The following MACF1 variants were observed in gnomAD, a reference collection of about 807,000 sequenced individuals.
MACF1 encodes the protein microtubule-actin cross-linking factor 1.
Under a neutral mutation model 854.8 loss-of-function variants are expected in MACF1, and 193 were observed. That is an observed-to-expected ratio of 0.23 (90% CI 0.20 to 0.25). The LOEUF is 0.25. Among genes scored for constraint, MACF1 ranks in the 10% least tolerant of loss-of-function variants. MACF1 has a pLI of 1.00. For missense variants in MACF1, 7,722 were observed against 8,929.1 expected (o/e 0.86, Z 5.45); for synonymous variants, 3,185 against 3,226.7 (o/e 0.99, Z 0.44).
At chr1:39,454,715 A>C (rs1482495379) in intron 88 of MACF1, among the ~76,000 whole-genome samples, 194 bp from the exon 89 acceptor site, 1 of 152,074 alleles carries the variant, frequency 6.6e-6, no homozygotes, top group Non-Finnish European at 1.5e-5. Context: ...CAGGAGAGTC[A>C]CTTGAACCCG....
At chr1:39,211,427 A>C (rs1006955711) in intron 1 of MACF1, among the ~76,000 whole-genome samples, 2 of 152,084 alleles carry the variant, frequency 1.3e-5, no homozygotes, top group Non-Finnish European at 2.9e-5. Context: ...TTAATTTTTT[A>C]AATTTAAAAA....
intron 2 of MACF1, among the ~76,000 whole-genome samples, chr1:39,187,902 C>CTCTCTCT (rs777139372): frequency 2.1e-5 from 2 of 97,382 alleles, no homozygotes; most frequent in South Asian, 3.3e-4. Context: ...CTCTCTCTCT[C>CTCTCTCT]CTCTCTCCTT....
chr1:39,179,979 C>T (rs558160907), intron 2 of MACF1, among the ~76,000 whole-genome samples: 27 of 151,848 alleles, frequency 1.8e-4, no homozygotes, highest in African/African-American at 6.5e-4. Context: ...CACACCACTG[C>T]ACTTCTGCTT....
chr1:39,390,261 A>G (rs1641979631), intron 58 of MACF1, among the ~76,000 whole-genome samples: 1 of 152,196 alleles, frequency 6.6e-6, no homozygotes, highest in African/African-American at 2.4e-5. Context: ...TAAAATTGTG[A>G]TCTCAGAGAC....
At chr1:39,227,556 G>T (rs974563190) in intron 1 of MACF1, among the ~76,000 whole-genome samples, 3 of 152,170 alleles carry the variant, frequency 2.0e-5, no homozygotes, top group Non-Finnish European at 4.4e-5. Flanking sequence ...AGACTGTTGA[G>T]AACTGGAGTT....
chr1:39,360,012 A>AAAAATAT (rs1557608845), intron 47 of MACF1, among the ~76,000 whole-genome samples: 14 of 28,820 alleles, frequency 4.9e-4, no homozygotes, highest in East Asian at 9.5e-4. Context: ...AAAAAAAAAA[A>AAAAATAT]ATATATATAT....
Position 39,305,946 on chromosome 1 carries a change from CT to C in MACF1, c.2789+2870del, listed in dbSNP as rs1394082120. ...TGTCTTCTTTACTCATTTTATTTTT[CT>C]TCAGAACTCTTAATACTGCCTAACA... is the stretch of plus-strand genomic sequence containing the variant. On this transcript the variant is annotated intron_variant, in intron 23 of 100. Coordinates refer to ENST00000564288, the MANE Select transcript of MACF1 (RefSeq NM_001394062.1). Among the ~76,000 whole-genome samples, 4 of 152,148 alleles carry C rather than the reference CT, an allele frequency of 2.6e-5. No homozygotes were observed. In the East Asian group the frequency reaches 7.7e-4, roughly 29 times the overall value.
At chr1:39,276,344 C>T (rs1225779686) in intron 6 of MACF1, among the ~76,000 whole-genome samples, 1 of 152,174 alleles carries the variant, frequency 6.6e-6, no homozygotes, top group Non-Finnish European at 1.5e-5. Context: ...GTCTCATCCA[C>T]TGAGAGACTT....
At chr1:39,481,779 T>G (rs1349299320) in intron 99 of MACF1, among the ~76,000 whole-genome samples, 3 of 152,212 alleles carry the variant, frequency 2.0e-5, no homozygotes, top group Non-Finnish European at 4.4e-5. Flanking sequence ...CAAGAAACAT[T>G]GGATTCTTGT....
intron 52 of MACF1, among the ~76,000 whole-genome samples, chr1:39,376,882 ATT>A (rs879676025): frequency 6.9e-5 from 10 of 144,398 alleles, no homozygotes; most frequent in Admixed American, 1.4e-4. Flanking sequence ...TGCCTGACTA[ATT>A]TTTTTTTTTT....
At position 39,429,976 on chromosome 1, in the gene MACF1, G is replaced by C; in HGVS notation, c.17038G>C (p.Gly5680Arg). 1 of 1,613,808 alleles carries C rather than the reference G, an allele frequency of 6.2e-7. No homozygotes were observed. Among genetic ancestry groups the C allele is most frequent in the South Asian group, 1.1e-5 (1 of 91,050 alleles). ...KFQSTYEELT[G>R]WLREVEEELA... ...CCAGTCTACTTATGAGGAACTGACC[G>C]GGTGGCTGAGGGAGGTGGAGGAGGA... Residue 5680 changes from glycine to arginine, a missense_variant, in exon 65 of 101, where the codon GGG (glycine) becomes CGG (arginine). This residue lies in a region of MACF1 where 2,807 missense variants were observed against 3,235.8 expected (regional missense o/e 0.87). Coordinates refer to ENST00000564288, the MANE Select transcript of MACF1 (RefSeq NM_001394062.1).
chr1:39,422,953 C>T, intron 60 of MACF1, 53 bp downstream of exon 60: 1 of 1,517,564 alleles, frequency 6.6e-7, no homozygotes, highest in Admixed American at 1.8e-5. Context: ...GAGTAGTAGA[C>T]AACACATTTG....
rs187010027 is a variant in MACF1 at position 39,362,705 on chromosome 1, C to T, written c.12771+1028C>T. 7.6e-4 allele frequency among the ~76,000 whole-genome samples: 115 copies of T among 152,230 alleles called. No individual in the cohort carries two copies. The Middle Eastern group carries it at 0.017, about 23-fold the overall frequency. On this transcript the variant is annotated intron_variant, in intron 49 of 100. Transcript: ENST00000564288. ...TTCCTTGTCCCCTATCTGAAATCAG[C>T]TATTTATCCAAGGAGTCCCACTTTT... is the stretch of plus-strand genomic sequence containing the variant.
At chr1:39,159,683 A>G (rs1006487975) in intron 2 of MACF1, among the ~76,000 whole-genome samples, 4 of 152,224 alleles carry the variant, frequency 2.6e-5, no homozygotes, top group African/African-American at 9.7e-5. Flanking sequence ...TTTGGATATT[A>G]AAGAGAAAAA....
Position 39,327,234 on chromosome 1 carries a change from A to G in MACF1, c.4495A>G (p.Lys1499Glu). ...ATCTTCCAGGCTCTCAGAAAAAGAG[A>G]AGAAACAAATATCTGAGCAATTGAA... ...KHGHKLSEKE[K>E]KQISEQLNAL... Residue 1499 changes from lysine to glutamate, a missense_variant, in exon 36 of 101, where the codon AAG (lysine) becomes GAG (glutamate). Lys to Glu is a moderately conservative substitution (Grantham distance 56). Coordinates refer to ENST00000564288, the MANE Select transcript of MACF1 (RefSeq NM_001394062.1). The G allele has an allele frequency of 1.3e-6, 2 of 1,573,596 alleles. No homozygotes were observed. The highest frequency in any genetic ancestry group is 1.7e-6 in the Non-Finnish European group (2 of 1,149,908).
chr1:39,482,501 TG>T (rs1320105473), intron 99 of MACF1, among the ~76,000 whole-genome samples: 7 of 149,164 alleles, frequency 4.7e-5, no homozygotes, highest in Non-Finnish European at 1.0e-4. Flanking sequence ...AGTAATGTTT[TG>T]GGGGTTTTTT....
chr1:39,393,821 G>C (rs1194175032), intron 58 of MACF1, among the ~76,000 whole-genome samples: 1 of 141,288 alleles, frequency 7.1e-6, no homozygotes, highest in Non-Finnish European at 1.5e-5. Flanking sequence ...AAAAAAGAAA[G>C]AAAGACAGAG....
intron 2 of MACF1, among the ~76,000 whole-genome samples, chr1:39,089,331 A>G (rs1322077882): frequency 6.6e-6 from 1 of 152,146 alleles, no homozygotes; most frequent in East Asian, 1.9e-4. Flanking sequence ...TCCTTCAACT[A>G]AAAAAGGGGT....
At chr1:39,150,682 C>T (rs1404390656) in intron 2 of MACF1, among the ~76,000 whole-genome samples, 1 of 152,150 alleles carries the variant, frequency 6.6e-6, no homozygotes, top group Non-Finnish European at 1.5e-5. Flanking sequence ...TCAAGGTCAC[C>T]AGTCACCTCC....
Sources: gnomAD v4.1 joint callset for allele counts (sites outside exome capture counted in the v4.1 genomes callset) on GRCh38, gnomAD v4.1.1 for gene constraint, gnomAD v4.1.1 regional missense constraint, MANE v1.5 for transcripts, NCBI Gene and HGNC (gene_info 2026-07-23, HGNC 2026-07-21) for gene names.